The following GNG7 variants were observed in gnomAD, a reference collection of about 807,000 sequenced individuals.
The protein encoded by GNG7 is G protein subunit gamma 7.
In GNG7, 1 loss-of-function variant was observed where a neutral mutation model predicts 4.0. The observed-to-expected ratio is 0.25, with a 90% CI of 0.09 to 1.18. The LOEUF (loss-of-function observed/expected upper bound fraction) is 1.18. Among genes scored for constraint, GNG7 ranks in the 50% most tolerant of loss-of-function variants. GNG7 has a pLI of 0.50. For missense variants in GNG7, 86 were observed against 91.9 expected (o/e 0.94, Z 0.26); for synonymous variants, 34 against 36.9 (o/e 0.92, Z 0.29).
At chr19:2,565,650 A>G (rs967336982) in intron 2 of GNG7, among the ~76,000 whole-genome samples, 8 of 152,164 alleles carry the variant, frequency 5.3e-5, no homozygotes, top group African/African-American at 1.9e-4. Context: ...AAAACCTGCA[A>G]TCACTGGGAG....
At chr19:2,638,487 G>C (rs1274176771) in intron 2 of GNG7, among the ~76,000 whole-genome samples, 1 of 23,660 alleles carries the variant, frequency 4.2e-5, no homozygotes, top group African/African-American at 1.6e-4. Flanking sequence ...GGGAGGGGAA[G>C]GGGAGGGGAG....
chr19:2,657,351 AAAAAAAAAAAATATATAT>A (rs1439682129), intron 1 of GNG7, among the ~76,000 whole-genome samples: 408 of 21,876 alleles, frequency 0.019, 27 homozygotes, highest in African/African-American at 0.021. Flanking sequence ...AAAAAAAAAA[AAAAAAAAAAAATATATAT>A]ATATATATAT....
chr19:2,670,533 T>C (rs1342268543), intron 1 of GNG7, among the ~76,000 whole-genome samples: 1 of 152,210 alleles, frequency 6.6e-6, no homozygotes, highest in African/African-American at 2.4e-5. Context: ...TGTGGCTTGT[T>C]TTCCCAGACC....
chr19:2,538,362 C>T (rs748104429), intron 3 of GNG7: 1 of 438,656 alleles, frequency 2.3e-6, no homozygotes, highest in African/African-American at 2.0e-5. Context: ...GTGACTCATG[C>T]CTGTGATCCT....
chr19:2,598,674 ATAAAATAATAATAAT>A (rs1981105615), intron 2 of GNG7, among the ~76,000 whole-genome samples: 1 of 98,876 alleles, frequency 1.0e-5, no homozygotes, highest in Non-Finnish European at 2.0e-5. Flanking sequence ...ATGAAAAGTA[ATAAAATAATAATAAT>A]AATAATAATA....
intron 2 of GNG7, chr19:2,643,006 C>A (rs1280621333): frequency 2.2e-6 from 1 of 454,038 alleles, no homozygotes; most frequent in Non-Finnish European, 4.4e-6. Context: ...CCGGGCTCTA[C>A]ACACCTTCCC....
chr19:2,696,828 T>A (rs932458339), intron 1 of GNG7, among the ~76,000 whole-genome samples: 5 of 152,116 alleles, frequency 3.3e-5, no homozygotes, highest in Admixed American at 6.6e-5. Context: ...GTCCCCCTCA[T>A]GGGGACAAAA....
At chr19:2,515,462 T>A (rs2144723107) in intron 4 of GNG7, among the ~76,000 whole-genome samples, 1 of 152,024 alleles carries the variant, frequency 6.6e-6, no homozygotes, top group South Asian at 2.1e-4. Flanking sequence ...GAGACTCTAT[T>A]TGTCGCCCAG....
chr19:2,590,133 T>C (rs1209088938), intron 2 of GNG7, among the ~76,000 whole-genome samples: 2 of 152,164 alleles, frequency 1.3e-5, no homozygotes, highest in Non-Finnish European at 2.9e-5. Flanking sequence ...TATAATTTTA[T>C]CTCAATAAAG....
chr19:2,560,424 C>T (rs952414194), intron 2 of GNG7, among the ~76,000 whole-genome samples: 13 of 152,096 alleles, frequency 8.5e-5, no homozygotes, highest in African/African-American at 1.4e-4. Context: ...AGCAGGACCC[C>T]TTACCTCCAC....
chr19:2,681,663 G>A, intron 1 of GNG7, among the ~76,000 whole-genome samples: 1 of 152,176 alleles, frequency 6.6e-6, no homozygotes, highest in East Asian at 1.9e-4. Context: ...TGGAAACACT[G>A]TATGTAACCA....
chr19:2,699,175 G>C (rs1488410313), intron 1 of GNG7, among the ~76,000 whole-genome samples: 1 of 138,474 alleles, frequency 7.2e-6, no homozygotes, highest in African/African-American at 2.8e-5. Flanking sequence ...TTGAGACAGA[G>C]TCTCACTCTG....
intron 2 of GNG7, among the ~76,000 whole-genome samples, chr19:2,636,754 G>C (rs927618427): frequency 6.6e-6 from 1 of 152,104 alleles, no homozygotes; most frequent in Non-Finnish European, 1.5e-5. Context: ...CTGGGACTTA[G>C]GGCTGTCAGT....
chr19:2,593,177 C>T (rs894610781), intron 2 of GNG7, among the ~76,000 whole-genome samples: 3 of 152,058 alleles, frequency 2.0e-5, no homozygotes, highest in East Asian at 1.9e-4. Flanking sequence ...GACAGGGCAC[C>T]GGGTGGTGAG....
chr19:2,517,592 T>C (rs1978290838), intron 4 of GNG7, among the ~76,000 whole-genome samples: 1 of 152,114 alleles, frequency 6.6e-6, no homozygotes, highest in African/African-American at 2.4e-5. Context: ...CTCAATCTCC[T>C]GACCTCAGGT....
chr19:2,599,954 A>C (rs1981150015), intron 2 of GNG7, among the ~76,000 whole-genome samples: 1 of 151,800 alleles, frequency 6.6e-6, no homozygotes. Flanking sequence ...AAAAAAAATT[A>C]GATTGTGGTA....
intron 2 of GNG7, among the ~76,000 whole-genome samples, chr19:2,624,652 C>A (rs8110395): frequency 6.6e-6 from 1 of 152,190 alleles, no homozygotes; most frequent in Non-Finnish European, 1.5e-5. Flanking sequence ...GCAGGCCTCT[C>A]GTCTCCGGAG....
At chr19:2,524,948 T>G (rs1169352579) in intron 3 of GNG7, among the ~76,000 whole-genome samples, 1 of 151,922 alleles carries the variant, frequency 6.6e-6, no homozygotes. Context: ...ATGCTTGGGC[T>G]GAGATGCCGA....
At chr19:2,670,755 C>T (rs941077098) in intron 1 of GNG7, among the ~76,000 whole-genome samples, 8 of 149,334 alleles carry the variant, frequency 5.4e-5, no homozygotes, top group Non-Finnish European at 8.9e-5. Context: ...GCCCTCGCCC[C>T]GCCCCCCACA....
Sources: gnomAD v4.1 joint callset for allele counts (sites outside exome capture counted in the v4.1 genomes callset) on GRCh38, gnomAD v4.1.1 for gene constraint, MANE v1.5 for transcripts, NCBI Gene and HGNC (gene_info 2026-07-23, HGNC 2026-07-21) for gene names.